The following IGFL2 variants were observed in gnomAD, a reference collection of about 807,000 sequenced individuals.
The protein encoded by IGFL2 is insulin growth factor-like family member 2.
IGFL2 carries 7 observed loss-of-function variants against 13.9 expected under a neutral mutation model. That is an observed-to-expected ratio of 0.51 (90% CI 0.29 to 0.95). The LOEUF (loss-of-function observed/expected upper bound fraction) is 0.95, where lower values mean the gene tolerates loss of function less well. IGFL2 is among the 40% of genes least tolerant of loss of function. The pLI, the probability that IGFL2 is intolerant of heterozygous loss-of-function variation, is 0.08. For missense variants in IGFL2, 138 were observed against 147.8 expected (o/e 0.93, Z 0.34); for synonymous variants, 55 against 55.8 (o/e 0.99, Z 0.07).
At chr19:46,099,735 C>G in the IGFL2 span, among the ~76,000 whole-genome samples, 202 of 152,122 alleles carry the variant, frequency 1.3e-3, no homozygotes, top group Admixed American at 2.5e-3. Flanking sequence ...ACCATCTTAT[C>G]CAGGCTGGTC....
upstream of IGFL2, among the ~76,000 whole-genome samples, chr19:46,144,658 C>T (rs1001295557): frequency 1.3e-5 from 2 of 152,160 alleles, no homozygotes; most frequent in Admixed American, 1.3e-4. Context: ...TCAGTTTCCA[C>T]ACCCTGATTT....
intron 1 of IGFL2, among the ~76,000 whole-genome samples, chr19:46,155,719 A>G (rs769262025): frequency 1.2e-4 from 19 of 152,190 alleles, no homozygotes; most frequent in Admixed American, 2.0e-4. Flanking sequence ...TTCCCCCCCA[A>G]TATAGATATC....
At chr19:46,123,975 A>C in the IGFL2 span, 1 of 1,611,432 alleles carries the variant, frequency 6.2e-7, no homozygotes, top group Non-Finnish European at 8.5e-7. Flanking sequence ...GCTGGGGGCC[A>C]AAAGACTCGG....
the IGFL2 span, chr19:46,181,320 G>T: frequency 3.3e-5 from 5 of 152,202 alleles, no homozygotes; most frequent in African/African-American, 9.7e-5. Context: ...CTTGTCCAGA[G>T]ATTGAAGCCA....
chr19:46,164,391 A>G (rs1406722274), downstream of IGFL2, among the ~76,000 whole-genome samples: 8 of 152,308 alleles, frequency 5.3e-5, no homozygotes, highest in African/African-American at 1.9e-4. Flanking sequence ...CAGACTCTCC[A>G]ATACCCAAAG....
the IGFL2 span, among the ~76,000 whole-genome samples, chr19:46,210,575 G>C: frequency 5.9e-5 from 9 of 152,162 alleles, no homozygotes; most frequent in African/African-American, 1.7e-4. Flanking sequence ...GCTGAAGAAC[G>C]TGGAGTCTGA....
the IGFL2 span, among the ~76,000 whole-genome samples, chr19:46,193,646 G>C: frequency 2.6e-5 from 4 of 152,288 alleles, no homozygotes; most frequent in South Asian, 4.1e-4. Context: ...ACCTGAAATT[G>C]AGCAGGAAGA....
the IGFL2 span, among the ~76,000 whole-genome samples, chr19:46,098,602 C>G: frequency 6.6e-6 from 1 of 151,918 alleles, no homozygotes; most frequent in Non-Finnish European, 1.5e-5. Flanking sequence ...CGTCAGCCTC[C>G]CAAGTAGCTG....
chr19:46,156,124 T>C (rs1973813319), intron 1 of IGFL2, among the ~76,000 whole-genome samples: 1 of 152,192 alleles, frequency 6.6e-6, no homozygotes, highest in African/African-American at 2.4e-5. Context: ...ACCATCACTT[T>C]CTGATAAATT....
At chr19:46,181,056 C>G in the IGFL2 span, among the ~76,000 whole-genome samples, 4 of 152,192 alleles carry the variant, frequency 2.6e-5, no homozygotes, top group African/African-American at 7.2e-5. Context: ...TGTATTCAAT[C>G]AAGTTGATAC....
At chr19:46,178,004 T>A in the IGFL2 span, among the ~76,000 whole-genome samples, 2 of 151,998 alleles carry the variant, frequency 1.3e-5, no homozygotes, top group East Asian at 3.9e-4. Context: ...CGTGGCCGGG[T>A]GCGGTGGTTC....
the IGFL2 span, chr19:46,124,341 G>C: frequency 1.9e-6 from 3 of 1,595,686 alleles, no homozygotes; most frequent in African/African-American, 4.1e-5. Context: ...AAAGGAAAAA[G>C]GTTGAACATG....
chr19:46,084,818 G>A, the IGFL2 span, among the ~76,000 whole-genome samples: 16 of 152,268 alleles, frequency 1.1e-4, no homozygotes, highest in East Asian at 7.7e-4. Context: ...ATTTCAACAT[G>A]AGATTTGGTG....
chr19:46,196,672 A>G, the IGFL2 span, among the ~76,000 whole-genome samples: 6 of 151,890 alleles, frequency 4.0e-5, no homozygotes, highest in African/African-American at 1.5e-4. Flanking sequence ...TCCTGCCTGC[A>G]CTCCCTGGCC....
At chr19:46,168,190 C>A in the IGFL2 span, among the ~76,000 whole-genome samples, 1 of 152,230 alleles carries the variant, frequency 6.6e-6, no homozygotes, top group African/African-American at 2.4e-5. Context: ...TTGCCTGGGC[C>A]TCCCAAAGCA....
the IGFL2 span, among the ~76,000 whole-genome samples, chr19:46,129,079 A>G: frequency 7.2e-5 from 11 of 152,194 alleles, no homozygotes; most frequent in East Asian, 7.7e-4. Flanking sequence ...TTGGGAGTGT[A>G]TATGTCCAAA....
chr19:46,145,892 A>G (rs182852437), upstream of IGFL2, among the ~76,000 whole-genome samples: 196 of 152,258 alleles, frequency 1.3e-3, no homozygotes, highest in African/African-American at 4.3e-3. Flanking sequence ...TTCAAGTCCT[A>G]TGTTAGAGAT....
At chr19:46,140,245 CTATATATA>C (rs10574851), upstream of IGFL2, among the ~76,000 whole-genome samples, 1 of 148,584 alleles carries the variant, frequency 6.7e-6, no homozygotes, top group Non-Finnish European at 1.5e-5. Flanking sequence ...CACGCCCAGC[CTATATATA>C]TATATATATA....
the IGFL2 span, chr19:46,202,995 AAG>A: frequency 1.3e-5 from 2 of 152,206 alleles, no homozygotes; most frequent in Non-Finnish European, 2.9e-5. Flanking sequence ...AGTCCATATG[AAG>A]AGAGTCCACC....
Sources: allele counts gnomAD v4.1 joint callset (sites outside exome capture counted in the v4.1 genomes callset), GRCh38; gene constraint gnomAD v4.1.1; transcripts MANE v1.5; gene names NCBI Gene and HGNC (gene_info 2026-07-23, HGNC 2026-07-21).